The following DAOA variants were observed in gnomAD, a reference collection of about 807,000 sequenced individuals.
DAOA encodes D-amino acid oxidase regulator.
A neutral mutation model predicts 16.4 loss-of-function variants in DAOA; 15 were observed. The observed-to-expected ratio is 0.91, with a 90% CI of 0.61 to 1.41. The LOEUF (loss-of-function observed/expected upper bound fraction) is 1.41. Among genes scored for constraint, DAOA ranks in the 40% most tolerant of loss-of-function variants. The probability of loss-of-function intolerance (pLI) is 0.00; values close to 1 mark genes in which losing one functional copy is unlikely to be tolerated. For synonymous variants in DAOA, 75 were observed against 59.1 expected (o/e 1.27, Z -1.23); for missense variants, 230 against 176.8 (o/e 1.30, Z -1.71).
rs1374295380 is a variant in DAOA at position 105,476,412 on chromosome 13, A to G, written c.281+3727A>G. ...ATAATTAGCTTTCTTAACAATTTTCACCCAGAGGTATTTTTATAGAGAATA... is the reference window on the plus strand; with the variant it reads ...ATAATTAGCTTTCTTAACAATTTTCGCCCAGAGGTATTTTTATAGAGAATA... On this transcript the variant is annotated intron_variant, in intron 4 of 5. Transcript: ENST00000375936. Among the ~76,000 whole-genome samples the G allele has an allele frequency of 2.6e-5, 4 of 151,872 alleles. No homozygotes were observed. The East Asian group carries it at 7.8e-4, about 29-fold the overall frequency.
At chr13:105,480,430 G>A (rs1877635590) in intron 4 of DAOA, among the ~76,000 whole-genome samples, 1 of 151,888 alleles carries the variant, frequency 6.6e-6, no homozygotes, top group Non-Finnish European at 1.5e-5. Flanking sequence ...CTTGGTTTTG[G>A]TTTGCTGGCA....
intron 4 of DAOA, among the ~76,000 whole-genome samples, chr13:105,481,849 G>A (rs78070684): frequency 0.017 from 2,584 of 152,172 alleles, 61 homozygotes; most frequent in African/African-American, 0.052. Flanking sequence ...TCTTCCCTTA[G>A]AAGACAAACA....
At chr13:105,476,473 G>T (rs1207036295) in intron 4 of DAOA, among the ~76,000 whole-genome samples, 2 of 139,708 alleles carry the variant, frequency 1.4e-5, no homozygotes, top group African/African-American at 5.4e-5. Flanking sequence ...GTTATAAAAC[G>T]TTCACTTGTA....
At chr13:105,481,558 G>T (rs1191325891) in intron 4 of DAOA, among the ~76,000 whole-genome samples, 1 of 152,050 alleles carries the variant, frequency 6.6e-6, no homozygotes, top group Non-Finnish European at 1.5e-5. Flanking sequence ...AGATCAAAGA[G>T]AAAATAAAAG....
intron 3 of DAOA, 129 bp from the exon 4 acceptor site, chr13:105,472,409 A>C: frequency 7.5e-7 from 1 of 1,331,450 alleles, no homozygotes; most frequent in Non-Finnish European, 9.9e-7. Flanking sequence ...TGTCTTAACC[A>C]AAAACCTCTG....
intron 4 of DAOA, among the ~76,000 whole-genome samples, chr13:105,481,139 C>T (rs538977442): frequency 3.7e-4 from 56 of 152,222 alleles, no homozygotes; most frequent in African/African-American, 1.3e-3. Context: ...TATTGAACTC[C>T]TTGGAAACAT....
intron 4 of DAOA, among the ~76,000 whole-genome samples, chr13:105,489,327 C>T (rs1269535988): frequency 1.3e-5 from 2 of 152,096 alleles, no homozygotes; most frequent in Non-Finnish European, 2.9e-5. Context: ...AGATACTTAA[C>T]CCCAGTGTTT....
At chr13:105,474,303 C>T (rs77447103) in intron 4 of DAOA, among the ~76,000 whole-genome samples, 5,653 of 152,030 alleles carry the variant, frequency 0.037, 138 homozygotes, top group South Asian at 0.063. Flanking sequence ...ATTTGCTAAA[C>T]ATCTTTCAAA....
chr13:105,467,189 A>G (rs1481464093), intron 3 of DAOA, 48 bp downstream of exon 3: 8 of 1,517,012 alleles, frequency 5.3e-6, no homozygotes, highest in Non-Finnish European at 7.1e-6. Context: ...TCTAGAAGTT[A>G]GATAAAACTG....
intron 4 of DAOA, among the ~76,000 whole-genome samples, chr13:105,479,928 G>A: frequency 6.6e-6 from 1 of 152,082 alleles, no homozygotes; most frequent in East Asian, 1.9e-4. Context: ...CAATACAGTT[G>A]GAGTCAAGAT....
At chr13:105,469,364 A>G (rs1407728148) in intron 3 of DAOA, among the ~76,000 whole-genome samples, 2 of 152,056 alleles carry the variant, frequency 1.3e-5, no homozygotes, top group Admixed American at 1.3e-4. Context: ...TTTGGGCTTT[A>G]TTTTCTAATA....
intron 2 of DAOA, chr13:105,466,570 C>T: frequency 1.6e-6 from 1 of 616,730 alleles, no homozygotes; most frequent in Admixed American, 3.3e-5. Flanking sequence ...CCTCACCTAT[C>T]CCTGGGAGGA....
chr13:105,480,527 CATAGATAGATAGATAGATAG>C (rs59797400), intron 4 of DAOA, among the ~76,000 whole-genome samples: 20 of 146,640 alleles, frequency 1.4e-4, no homozygotes, highest in African/African-American at 4.3e-4. Context: ...TGGATAGATA[CATAGATAGATAGATAGATAG>C]ATAGATAGAT....
Position 105,466,363 on chromosome 13 carries a change from C to A in DAOA, c.44+31C>A. The A allele has an allele frequency of 1.2e-6, 2 of 1,613,606 alleles. 1 individual carries two copies. The highest frequency in any genetic ancestry group is 2.2e-5 in the South Asian group (2 of 90,982). On this transcript the variant is annotated intron_variant, in intron 2 of 5. Transcript: ENST00000375936. ...TAGCTTGGGGTTTTTTACAGCATGG[C>A]GGCCTCAGTGCAATGTGACATTTGC...
At chr13:105,480,441 T>G (rs1877636162) in intron 4 of DAOA, among the ~76,000 whole-genome samples, 1 of 151,974 alleles carries the variant, frequency 6.6e-6, no homozygotes, top group Non-Finnish European at 1.5e-5. Context: ...TTTGCTGGCA[T>G]CTGTATTAGG....
intron 3 of DAOA, among the ~76,000 whole-genome samples, chr13:105,469,490 T>G (rs540267099): frequency 6.6e-6 from 1 of 152,196 alleles, no homozygotes. Context: ...GGTGAAAATT[T>G]TAAACATTTC....
intron 4 of DAOA, among the ~76,000 whole-genome samples, chr13:105,486,932 A>G (rs995635110): frequency 2.0e-5 from 3 of 152,004 alleles, no homozygotes; most frequent in African/African-American, 7.2e-5. Context: ...AGTATTGACT[A>G]TTTTCGTACA....
intron 2 of DAOA, among the ~76,000 whole-genome samples, chr13:105,466,714 G>C (rs1372217205): frequency 1.3e-5 from 2 of 152,072 alleles, no homozygotes; most frequent in Non-Finnish European, 2.9e-5. Context: ...TGTAGAACTG[G>C]GATAACTTTG....
chr13:105,484,064 T>G (rs748446250), intron 4 of DAOA, among the ~76,000 whole-genome samples: 1 of 152,152 alleles, frequency 6.6e-6, no homozygotes, highest in Non-Finnish European at 1.5e-5. Flanking sequence ...TAAATATGGA[T>G]CAAAGATTAA....
Sources: allele counts gnomAD v4.1 joint callset (sites outside exome capture counted in the v4.1 genomes callset), GRCh38; gene constraint gnomAD v4.1.1; transcripts MANE v1.5; gene names NCBI Gene and HGNC (gene_info 2026-07-23, HGNC 2026-07-21).